The following RBPMS variants were observed in gnomAD, a reference collection of about 807,000 sequenced individuals.
RBPMS encodes RNA binding protein, mRNA processing factor.
RBPMS carries 7 observed loss-of-function variants against 26.8 expected under a neutral mutation model. That is an observed-to-expected ratio of 0.26 (90% CI 0.15 to 0.49). The LOEUF (loss-of-function observed/expected upper bound fraction) is 0.49, where lower values mean the gene tolerates loss of function less well. Ranked by LOEUF, RBPMS falls within the 20% of genes least tolerant of loss-of-function variation. RBPMS has a pLI of 0.98. For synonymous variants in RBPMS, 96 were observed against 93.3 expected (o/e 1.03, Z -0.17); for missense variants, 186 against 250.0 (o/e 0.74, Z 1.73).
intron 1 of RBPMS, among the ~76,000 whole-genome samples, chr8:30,434,989 A>G (rs1812299977): frequency 6.6e-6 from 1 of 150,894 alleles, no homozygotes; most frequent in African/African-American, 2.5e-5. Flanking sequence ...ATGAACTTCC[A>G]AAGAAGACAT....
intron 6 of RBPMS, chr8:30,556,745 C>T (rs1826957898): frequency 6.1e-6 from 6 of 985,968 alleles, no homozygotes; most frequent in Non-Finnish European, 7.2e-6. Context: ...CAACTCTGCT[C>T]TTTGCTTAGT....
At chr8:30,445,649 GATATATATATATATAT>G (rs59580323) in intron 1 of RBPMS, among the ~76,000 whole-genome samples, 3 of 107,344 alleles carry the variant, frequency 2.8e-5, no homozygotes, top group African/African-American at 7.9e-5. Flanking sequence ...TATACACACG[GATATATATATATATAT>G]ATATATATAT....
rs528286981 is a variant in RBPMS, at chr8:30,554,298, A to G, written c.529-4589A>G. ...CAGCCCAGCCTCTTAGATCCACCAA[A>G]TGCTACCACTGGAAGGGACCTTCCA... is the stretch of plus-strand genomic sequence containing the variant. On this transcript the variant is annotated intron_variant, in intron 6 of 8. Coordinates refer to ENST00000397323, the MANE Select transcript of RBPMS (RefSeq NM_001008710.3). 1.5e-4 allele frequency among the ~76,000 whole-genome samples: 23 copies of G among 152,330 alleles called. No individual in the cohort carries two copies. The South Asian group carries it at 2.9e-3, about 19-fold the overall frequency.
At chr8:30,564,644 G>C in intron 7 of RBPMS, 1 of 152,306 alleles carries the variant, frequency 6.6e-6, no homozygotes, top group East Asian at 1.9e-4. Flanking sequence ...GTTTTCTGTG[G>C]ATCTGTCTGG....
intron 6 of RBPMS, among the ~76,000 whole-genome samples, chr8:30,548,487 CAGA>C: frequency 6.6e-6 from 1 of 152,158 alleles, no homozygotes; most frequent in African/African-American, 2.4e-5. Context: ...CTCATTTGTC[CAGA>C]GTAACAGCAG....
intron 1 of RBPMS, among the ~76,000 whole-genome samples, chr8:30,411,004 G>A (rs1043989714): frequency 6.6e-6 from 1 of 152,036 alleles, no homozygotes; most frequent in Non-Finnish European, 1.5e-5. Flanking sequence ...CTTTCAAGAC[G>A]CTGGGATTAC....
At chr8:30,540,644 A>T (rs1825288603) in intron 5 of RBPMS, among the ~76,000 whole-genome samples, 1 of 152,122 alleles carries the variant, frequency 6.6e-6, no homozygotes, top group African/African-American at 2.4e-5. Flanking sequence ...AGCTTGTCTC[A>T]AATCCTGGGT....
chr8:30,450,204 A>C (rs1321744930), intron 1 of RBPMS, among the ~76,000 whole-genome samples: 1 of 152,238 alleles, frequency 6.6e-6, no homozygotes, highest in South Asian at 2.1e-4. Context: ...GAGCATAGTA[A>C]CTAGTTGGCA....
intron 6 of RBPMS, among the ~76,000 whole-genome samples, chr8:30,557,150 C>T (rs564712095): frequency 4.6e-5 from 7 of 152,138 alleles, no homozygotes; most frequent in Admixed American, 1.3e-4. Context: ...CTGGCATGGT[C>T]GCCAGAAGAG....
intron 1 of RBPMS, among the ~76,000 whole-genome samples, chr8:30,418,022 A>G (rs2150605780): frequency 6.6e-6 from 1 of 152,368 alleles, no homozygotes; most frequent in South Asian, 2.1e-4. Flanking sequence ...TGAACAACTT[A>G]TGTGCTGTTT....
intron 5 of RBPMS, among the ~76,000 whole-genome samples, chr8:30,514,703 T>TTTTTTTTTTTTA: frequency 7.4e-6 from 1 of 135,340 alleles, no homozygotes; most frequent in South Asian, 2.5e-4. Context: ...TTTTTTTTTT[T>TTTTTTTTTTTTA]AATGTAGAGG....
At chr8:30,515,795 A>G (rs1330424089) in intron 5 of RBPMS, among the ~76,000 whole-genome samples, 3 of 152,054 alleles carry the variant, frequency 2.0e-5, no homozygotes, top group African/African-American at 7.2e-5. Flanking sequence ...AGCTGGTACT[A>G]CAGGCACGCA....
At chr8:30,440,073 CACAAA>C (rs564430205) in intron 1 of RBPMS, among the ~76,000 whole-genome samples, 141 of 152,276 alleles carry the variant, frequency 9.3e-4, no homozygotes, top group African/African-American at 3.2e-3. Context: ...CAGTAAAGTA[CACAAA>C]ACAAAAGTTT....
intron 8 of RBPMS, among the ~76,000 whole-genome samples, chr8:30,567,105 T>C (rs1827944785): frequency 1.3e-5 from 2 of 152,158 alleles, no homozygotes; most frequent in Non-Finnish European, 2.9e-5. Context: ...GGCGAGTCTA[T>C]GGTGGTTTAT....
chr8:30,556,497 C>G (rs781657280), intron 6 of RBPMS: 3 of 985,962 alleles, frequency 3.0e-6, no homozygotes, highest in Non-Finnish European at 3.6e-6. Context: ...CTCTCCTCCC[C>G]GGGCAGCCCT....
At chr8:30,532,338 A>G (rs540769857) in intron 5 of RBPMS, among the ~76,000 whole-genome samples, 3 of 152,328 alleles carry the variant, frequency 2.0e-5, no homozygotes, top group South Asian at 2.1e-4. Context: ...TGGATTTCCT[A>G]TAGCAGAGAC....
At chr8:30,510,361 G>T (rs1821458338) in intron 5 of RBPMS, among the ~76,000 whole-genome samples, 1 of 152,108 alleles carries the variant, frequency 6.6e-6, no homozygotes, top group Non-Finnish European at 1.5e-5. Flanking sequence ...CTTTCCTTAA[G>T]AATTATATGT....
intron 6 of RBPMS, chr8:30,556,658 G>C (rs1826948668): frequency 1.0e-6 from 1 of 986,074 alleles, no homozygotes; most frequent in South Asian, 4.7e-5. Context: ...GTGTGTTTAG[G>C]TGTCCAGCCC....
rs542779244 is a variant in RBPMS at position 30,558,907 on chromosome 8, C to G, written c.549C>G (p.Ser183=). Reference sequence around the variant, plus strand: ...TTCAGATGCGCTGGCTCCCTCCCTCCGAGGCTACTTCTCAGGGCTGGAAGT... The same window carrying G: ...TTCAGATGCGCTGGCTCCCTCCCTCGGAGGCTACTTCTCAGGGCTGGAAGT... ...LHAQMRWLPP[S]EATSQGWKSR... Residue 183 remains serine (S), a synonymous_variant, in exon 7 of 9, where the codon TCC becomes TCG. Transcript: ENST00000397323. 5 of 1,614,156 alleles carry G rather than the reference C, an allele frequency of 3.1e-6. No individual in the cohort carries two copies. Among genetic ancestry groups the G allele is most frequent in the Non-Finnish European group, 4.2e-6 (5 of 1,180,026 alleles).
Sources: allele counts gnomAD v4.1 joint callset (sites outside exome capture counted in the v4.1 genomes callset), GRCh38; gene constraint gnomAD v4.1.1; transcripts MANE v1.5; gene names NCBI Gene and HGNC (gene_info 2026-07-23, HGNC 2026-07-21).